The following AADACL2 variants were observed in gnomAD, a reference collection of about 807,000 sequenced individuals.
AADACL2 encodes arylacetamide deacetylase like 2.
A neutral mutation model predicts 22.3 loss-of-function variants in AADACL2; 23 were observed. That is an observed-to-expected ratio of 1.03 (90% CI 0.74 to 1.46). AADACL2 has a LOEUF of 1.46. Among genes scored for constraint, AADACL2 ranks in the 40% most tolerant of loss-of-function variants. AADACL2 has a pLI of 0.00. For missense variants in AADACL2, 472 were observed against 482.9 expected, an observed-to-expected ratio of 0.98 and a Z score of 0.21; for synonymous variants, 177 against 166.2, an observed-to-expected ratio of 1.07 and a Z score of -0.50.
intron 3 of AADACL2, among the ~76,000 whole-genome samples, chr3:151,744,681 CAA>C (rs993089584): frequency 1.4e-4 from 21 of 151,988 alleles, no homozygotes; most frequent in African/African-American, 5.1e-4. Context: ...ATAAAGATAC[CAA>C]CATCTTTTTG....
At chr3:151,747,255 T>C (rs1396691544) in intron 4 of AADACL2, among the ~76,000 whole-genome samples, 1 of 152,178 alleles carries the variant, frequency 6.6e-6, no homozygotes, top group Non-Finnish European at 1.5e-5. Context: ...ATGGTGAGCA[T>C]GTTTAAGATC....
rs918397721 is a variant in AADACL2 at position 151,761,189 on chromosome 3, A to G, written c.*3595A>G. On this transcript the variant is annotated 3_prime_UTR_variant, in exon 5 of 5. Coordinates refer to ENST00000356517, the MANE Select transcript of AADACL2 (RefSeq NM_207365.4). ...GATATATATTTATATATATGGTGAG[A>G]TATATACATATTGTGATATATATAT... 1.5e-5 allele frequency: 2 copies of G among 129,050 alleles called. No homozygotes were observed. The highest frequency in any genetic ancestry group is 2.5e-4 in the South Asian group (1 of 3,982). The allele number at this position is 129,050 out of a possible 1,614,324, so 8.0% of individuals were successfully genotyped here.
chr3:151,748,922 G>A (rs779621258), intron 4 of AADACL2, among the ~76,000 whole-genome samples: 13 of 152,170 alleles, frequency 8.5e-5, no homozygotes, highest in Non-Finnish European at 1.9e-4. Context: ...TTATATGCCA[G>A]TACCATACTG....
intron 3 of AADACL2, among the ~76,000 whole-genome samples, chr3:151,745,012 T>C (rs1713392861): frequency 1.3e-5 from 2 of 152,166 alleles, no homozygotes; most frequent in Non-Finnish European, 2.9e-5. Flanking sequence ...AAAATTTTTA[T>C]CTAGTAATAA....
rs1713972181 is a variant in AADACL2 at position 151,757,486 on chromosome 3, TGAG to T, written c.1101_1103del (p.Glu367del). On this transcript the variant is annotated inframe_deletion, in exon 5 of 5. Coordinates refer to ENST00000356517, the MANE Select transcript of AADACL2 (RefSeq NM_207365.4). ...GAGTCCAAGTTGTTCATGAACATAT[TGAG>T]GATGGAATTCATGGAGCTTTATCAT... The T allele has an allele frequency of 6.2e-7, 1 of 1,613,672 alleles. No individual in the cohort carries two copies.
rs12486152 is a variant in AADACL2 at position 151,748,630 on chromosome 3, A to C, written c.603+2950A>C. Among the ~76,000 whole-genome samples, 428 of 152,306 alleles carry C rather than the reference A, an allele frequency of 2.8e-3. 2 individuals are homozygous for C. Among genetic ancestry groups the C allele is most frequent in the East Asian group, 0.021 (107 of 5,184 alleles). ...AGTTTGTCAGAGAGCAGATTATTAA[A>C]AACAATCTGGCTTCCTTGGTTTCTC... is the stretch of plus-strand genomic sequence containing the variant. On this transcript the variant is annotated intron_variant, in intron 4 of 4. Coordinates refer to ENST00000356517, the MANE Select transcript of AADACL2 (RefSeq NM_207365.4).
At chr3:151,749,712 AC>A (rs1260745917) in intron 4 of AADACL2, among the ~76,000 whole-genome samples, 1 of 151,980 alleles carries the variant, frequency 6.6e-6, no homozygotes, top group Non-Finnish European at 1.5e-5. Flanking sequence ...CGATCTCCTG[AC>A]CTTGTGATCT....
intron 1 of AADACL2, among the ~76,000 whole-genome samples, chr3:151,739,809 G>C (rs1313972885): frequency 2.0e-5 from 3 of 152,146 alleles, no homozygotes; most frequent in Non-Finnish European, 4.4e-5. Context: ...CCTTAGCACT[G>C]TCAGGGGAAA....
chr3:151,741,019 C>A (rs2107982332), intron 2 of AADACL2, 151 bp downstream of exon 2: 1 of 601,118 alleles, frequency 1.7e-6, no homozygotes, highest in Non-Finnish European at 2.8e-6. Context: ...TATGAGACAT[C>A]TAATAAAGAG....
chr3:151,750,831 A>C (rs1713640547), intron 4 of AADACL2, among the ~76,000 whole-genome samples: 1 of 152,224 alleles, frequency 6.6e-6, no homozygotes, highest in Admixed American at 6.5e-5. Context: ...ATACATATAC[A>C]TGTACATGTA....
At chr3:151,741,041 T>C (rs1032538303) in intron 2 of AADACL2, among the ~76,000 whole-genome samples, 173 bp downstream of exon 2, 1 of 152,202 alleles carries the variant, frequency 6.6e-6, no homozygotes, top group Non-Finnish European at 1.5e-5. Flanking sequence ...CATAGACATA[T>C]GTTTGGCAAC....
At chr3:151,737,823 C>T (rs532604083) in intron 1 of AADACL2, among the ~76,000 whole-genome samples, 1 of 152,158 alleles carries the variant, frequency 6.6e-6, no homozygotes, top group South Asian at 2.1e-4. Flanking sequence ...CTTCCTCAAT[C>T]CCTTTATTTT....
At chr3:151,741,377 T>C (rs1295131514) in intron 2 of AADACL2, among the ~76,000 whole-genome samples, 1 of 152,058 alleles carries the variant, frequency 6.6e-6, no homozygotes, top group African/African-American at 2.4e-5. Context: ...AATAAACTCT[T>C]CCCATAAAAT....
rs770535804 is a variant in AADACL2, at chr3:151,734,187, T to C, written c.138+14T>C. 1.9e-6 allele frequency: 3 copies of C among 1,608,082 alleles called. No individual in the cohort carries two copies. The highest frequency in any genetic ancestry group is 2.5e-6 in the Non-Finnish European group (3 of 1,177,406). On this transcript the variant is annotated intron_variant, in intron 1 of 4. Transcript: ENST00000356517. ...TGTACATTTACGGTAAGGTTAACAT[T>C]TATTTTTTCTGTTGGAAATTGGGAT...
At chr3:151,755,514 A>G (rs1264443096) in intron 4 of AADACL2, among the ~76,000 whole-genome samples, 5 of 152,186 alleles carry the variant, frequency 3.3e-5, no homozygotes, top group Non-Finnish European at 7.3e-5. Context: ...CATAGTTGTT[A>G]AGACTATGGC....
chr3:151,742,489 TGAA>T (rs1413066402), intron 2 of AADACL2, among the ~76,000 whole-genome samples: 1 of 152,070 alleles, frequency 6.6e-6, no homozygotes, highest in Non-Finnish European at 1.5e-5. Context: ...GAGATAAAAA[TGAA>T]GACATAGATT....
intron 3 of AADACL2, 98 bp from the exon 4 acceptor site, chr3:151,745,411 C>A: frequency 8.0e-7 from 1 of 1,248,776 alleles, no homozygotes; most frequent in Non-Finnish European, 1.1e-6. Context: ...TTTTAGAAGA[C>A]TGAACAATAA....
At chr3:151,743,981 T>A (rs1253090394) in intron 2 of AADACL2, 112 bp from the exon 3 acceptor site, 28 of 1,107,374 alleles carry the variant, frequency 2.5e-5, no homozygotes, top group Non-Finnish European at 3.6e-5. Context: ...GGGGTGGAAA[T>A]AAAAGCTATG....
At chr3:151,737,417 G>A (rs192464383) in intron 1 of AADACL2, among the ~76,000 whole-genome samples, 101 of 152,086 alleles carry the variant, frequency 6.6e-4, no homozygotes, top group African/African-American at 2.3e-3. Flanking sequence ...GCTATATGGT[G>A]CTGAGAAGAA....
Sources: allele counts gnomAD v4.1 joint callset (sites outside exome capture counted in the v4.1 genomes callset), GRCh38; gene constraint gnomAD v4.1.1; transcripts MANE v1.5; gene names NCBI Gene and HGNC (gene_info 2026-07-23, HGNC 2026-07-21).